The following HDX variants were observed in gnomAD, a reference collection of about 807,000 sequenced individuals.
HDX encodes the protein highly divergent homeobox.
A neutral mutation model predicts 45.2 loss-of-function variants in HDX; 19 were observed. That is an observed-to-expected ratio of 0.42 (90% confidence interval 0.29 to 0.62). The LOEUF (loss-of-function observed/expected upper bound fraction) is 0.62. Among genes scored for constraint, HDX ranks in the 20% least tolerant of loss-of-function variants. HDX has a pLI of 0.20. For missense variants in HDX, 532 were observed against 493.9 expected, an observed-to-expected ratio of 1.08 and a Z score of -0.73; for synonymous variants, 188 against 172.8, an observed-to-expected ratio of 1.09 and a Z score of -0.69.
intron 1 of HDX, among the ~76,000 whole-genome samples, chrX:84,496,992 G>C (rs1225202408): frequency 9.0e-6 from 1 of 110,933 alleles, no homozygotes. Context: ...CATGGGGGCG[G>C]TTTCCCCCAT....
intron 5 of HDX, among the ~76,000 whole-genome samples, chrX:84,405,432 A>G (rs73625983): frequency 0.07 from 7,666 of 109,895 alleles, 327 homozygotes; most frequent in African/African-American, 0.16. Context: ...AATGCTTCTC[A>G]AAAGTAGCAT....
At chrX:84,336,292 G>A (rs988484662) in intron 8 of HDX, among the ~76,000 whole-genome samples, 1 of 110,769 alleles carries the variant, frequency 9.0e-6, no homozygotes, top group African/African-American at 3.3e-5. Flanking sequence ...TTTCTATATT[G>A]TGATTTTTAA....
intron 9 of HDX, among the ~76,000 whole-genome samples, chrX:84,328,815 TATG>T (rs1477131465): frequency 1.8e-5 from 2 of 111,871 alleles, no homozygotes; most frequent in East Asian, 5.7e-4. Flanking sequence ...CTGAGCCAAA[TATG>T]AGTGACCAAT....
At chrX:84,360,475 A>G (rs1172983084) in intron 6 of HDX, among the ~76,000 whole-genome samples, 1 of 111,859 alleles carries the variant, frequency 8.9e-6, no homozygotes, top group Non-Finnish European at 1.9e-5. Flanking sequence ...AAATGTTTTC[A>G]ACATATTCAC....
At chrX:84,379,577 G>C (rs1186737298) in intron 5 of HDX, among the ~76,000 whole-genome samples, 1 of 111,161 alleles carries the variant, frequency 9.0e-6, no homozygotes, top group African/African-American at 3.3e-5. Flanking sequence ...ATAGCAAGAG[G>C]AATTTTGTAA....
chrX:84,385,332 G>A (rs981820668), intron 5 of HDX, among the ~76,000 whole-genome samples: 5 of 92,327 alleles, frequency 5.4e-5, no homozygotes, highest in Non-Finnish European at 1.0e-4. Flanking sequence ...TCCTGCCTCA[G>A]CCTCCCAAGT....
intron 5 of HDX, among the ~76,000 whole-genome samples, chrX:84,438,772 A>G (rs745893882): frequency 1.8e-5 from 2 of 111,658 alleles, no homozygotes; most frequent in African/African-American, 6.5e-5. Context: ...TATGTACCAC[A>G]TATACTTCAC....
chrX:84,403,412 CTT>C (rs1409648093), intron 5 of HDX, among the ~76,000 whole-genome samples: 2 of 111,376 alleles, frequency 1.8e-5, no homozygotes, highest in East Asian at 5.6e-4. Flanking sequence ...TGGGAGCTAT[CTT>C]ATCACAAAAA....
intron 5 of HDX, among the ~76,000 whole-genome samples, chrX:84,386,115 A>G (rs906402784): frequency 2.7e-5 from 3 of 110,873 alleles, no homozygotes; most frequent in African/African-American, 9.8e-5. Context: ...AGATGATTAT[A>G]TGTTTTTTAT....
At chrX:84,432,996 T>G (rs1253176827) in intron 5 of HDX, among the ~76,000 whole-genome samples, 1 of 111,301 alleles carries the variant, frequency 9.0e-6, no homozygotes, top group Non-Finnish European at 1.9e-5. Flanking sequence ...AAATATCTTT[T>G]CAGGTTACTT....
chrX:84,419,554 C>G (rs182866637), intron 5 of HDX, among the ~76,000 whole-genome samples: 12,711 of 111,666 alleles, frequency 0.11, 627 homozygotes, highest in South Asian at 0.28. Flanking sequence ...ATATTGGACT[C>G]TAGTCCCTGT....
At chrX:84,343,789 T>C (rs191480934) in intron 7 of HDX, among the ~76,000 whole-genome samples, 46 of 111,249 alleles carry the variant, frequency 4.1e-4, no homozygotes, top group South Asian at 7.6e-4. Context: ...AGACTAATTC[T>C]CTTTAGCAGA....
At chrX:84,380,357 C>T (rs1040124149) in intron 5 of HDX, among the ~76,000 whole-genome samples, 2 of 109,003 alleles carry the variant, frequency 1.8e-5, no homozygotes, top group Admixed American at 9.8e-5. Context: ...AAAATACTTC[C>T]AAACTCATTT....
rs183026100 is a variant in HDX at position 84,336,917 on chromosome X, G to T, written c.1661-37C>A. ...AATGCCATAATTTCATTTTCATTTC[G>T]CAAAACTTTCTTGAGAATACTATTT... is the stretch of plus-strand genomic sequence containing the variant. On this transcript the variant is annotated intron_variant, in intron 7 of 10. Coordinates refer to ENST00000373177, the MANE Select transcript of HDX (RefSeq NM_001177479.2). The T allele has an allele frequency of 7.3e-4, 667 of 916,461 alleles. 5 individuals carry two copies. In the African/African-American group the frequency reaches 9.2e-3, roughly 13 times the overall value. The allele number at this position is 916,461 out of a possible 1,213,427, so 75.5% of individuals were successfully genotyped here. A position where few individuals can be genotyped will look rare whatever the true frequency, so the allele number is the denominator to read the frequency against.
At chrX:84,434,282 AC>A (rs1469607524) in intron 5 of HDX, among the ~76,000 whole-genome samples, 1 of 110,156 alleles carries the variant, frequency 9.1e-6, no homozygotes, top group Non-Finnish European at 1.9e-5. Flanking sequence ...AAAGGCTTTC[AC>A]CCTTTTTCCA....
intron 5 of HDX, among the ~76,000 whole-genome samples, chrX:84,418,242 G>A (rs1286508715): frequency 8.9e-6 from 1 of 111,793 alleles, no homozygotes; most frequent in Non-Finnish European, 1.9e-5. Context: ...TAAATCTCCA[G>A]TAAATTACCT....
chrX:84,418,280 T>G (rs1303028266), intron 5 of HDX, among the ~76,000 whole-genome samples: 1 of 112,136 alleles, frequency 8.9e-6, no homozygotes, highest in Non-Finnish European at 1.9e-5. Flanking sequence ...ATGAATTGCT[T>G]AACAACAAAC....
At chrX:84,374,248 T>G (rs1039681986) in intron 5 of HDX, among the ~76,000 whole-genome samples, 21 of 110,391 alleles carry the variant, frequency 1.9e-4, no homozygotes, top group Non-Finnish European at 3.4e-4. Flanking sequence ...CATTGCTCAA[T>G]GAAATAAAGG....
At chrX:84,458,621 A>G (rs2040167243) in intron 4 of HDX, among the ~76,000 whole-genome samples, 1 of 111,514 alleles carries the variant, frequency 9.0e-6, no homozygotes, top group African/African-American at 3.3e-5. Context: ...TTGCCCTTCC[A>G]GTCAATTTCA....
Sources: gnomAD v4.1 joint callset for allele counts (sites outside exome capture counted in the v4.1 genomes callset) on GRCh38, gnomAD v4.1.1 for gene constraint, MANE v1.5 for transcripts, NCBI Gene and HGNC (gene_info 2026-07-23, HGNC 2026-07-21) for gene names.